The following RAB8B variants were observed in gnomAD, a reference collection of about 807,000 sequenced individuals.
RAB8B encodes the protein ras-related protein Rab-8B.
In RAB8B, 11 loss-of-function variants were observed where a neutral mutation model predicts 32.0. The ratio of observed to expected loss-of-function variants is 0.34; its 90% CI spans 0.22 to 0.57. RAB8B has a LOEUF of 0.57. RAB8B is among the 20% of genes least tolerant of loss of function. The pLI is 0.86. For synonymous variants in RAB8B, 103 were observed against 89.6 expected (o/e 1.15, Z -0.85); for missense variants, 190 against 258.5 (o/e 0.73, Z 1.82).
chr15:63,222,167 G>A (rs2037849893), intron 1 of RAB8B, among the ~76,000 whole-genome samples: 1 of 152,194 alleles, frequency 6.6e-6, no homozygotes, highest in African/African-American at 2.4e-5. Flanking sequence ...AGCAGAGACT[G>A]TTTCTCTCTG....
chr15:63,220,011 C>A (rs1287325949), intron 1 of RAB8B, among the ~76,000 whole-genome samples: 3 of 152,172 alleles, frequency 2.0e-5, no homozygotes, highest in African/African-American at 4.8e-5. Context: ...TGATTGTTGT[C>A]CAAGTGTTAA....
intron 1 of RAB8B, among the ~76,000 whole-genome samples, chr15:63,241,772 GT>G (rs2038034012): frequency 6.6e-6 from 1 of 152,110 alleles, no homozygotes; most frequent in Admixed American, 6.5e-5. Flanking sequence ...CCAAAGAGAG[GT>G]AAAGGATAGA....
chr15:63,214,244 A>G (rs906085389), intron 1 of RAB8B, among the ~76,000 whole-genome samples: 4 of 149,720 alleles, frequency 2.7e-5, no homozygotes, highest in East Asian at 2.0e-4. Flanking sequence ...AAAGAATTCA[A>G]CAGTGTTGAA....
intron 6 of RAB8B, among the ~76,000 whole-genome samples, chr15:63,261,990 G>C (rs930503556): frequency 4.6e-5 from 7 of 152,166 alleles, no homozygotes; most frequent in African/African-American, 1.7e-4. Context: ...ATTTAGCCGA[G>C]AGCTCCAGGA....
At chr15:63,219,326 A>G (rs998715015) in intron 1 of RAB8B, among the ~76,000 whole-genome samples, 1 of 151,832 alleles carries the variant, frequency 6.6e-6, no homozygotes, top group Non-Finnish European at 1.5e-5. Context: ...AAAGAGAGAA[A>G]GAGATCGAGA....
chr15:63,202,318 A>C (rs934595250), intron 1 of RAB8B, among the ~76,000 whole-genome samples: 1 of 152,106 alleles, frequency 6.6e-6, no homozygotes, highest in African/African-American at 2.4e-5. Context: ...AAACTGACCA[A>C]CAAACCCTTG....
intron 1 of RAB8B, among the ~76,000 whole-genome samples, chr15:63,209,377 A>G (rs1237582107): frequency 6.6e-6 from 1 of 151,778 alleles, no homozygotes; most frequent in African/African-American, 2.4e-5. Flanking sequence ...GATCACCTGA[A>G]GTCAGGAGTT....
At chr15:63,262,481 A>G (rs1809655482) in intron 6 of RAB8B, among the ~76,000 whole-genome samples, 1 of 152,030 alleles carries the variant, frequency 6.6e-6, no homozygotes, top group African/African-American at 2.4e-5. Context: ...CTGTTTTAAA[A>G]TAAGTCAGGC....
intron 1 of RAB8B, among the ~76,000 whole-genome samples, chr15:63,201,549 G>C (rs1413438122): frequency 6.6e-6 from 1 of 152,164 alleles, no homozygotes; most frequent in African/African-American, 2.4e-5. Context: ...TTATTCAAGA[G>C]TCTGGACTTT....
intron 3 of RAB8B, among the ~76,000 whole-genome samples, chr15:63,254,627 C>T (rs1468533332): frequency 6.6e-6 from 1 of 151,978 alleles, no homozygotes; most frequent in East Asian, 1.9e-4. Context: ...AAATACCAGA[C>T]ATGGGCTGGG....
rs775037478 is a variant in RAB8B, at chr15:63,259,654, T to C, written c.442T>C (p.Leu148=). 4.3e-6 allele frequency: 7 copies of C among 1,614,020 alleles called. No individual in the cohort carries two copies. In the South Asian group the frequency reaches 4.4e-5, roughly 10 times the overall value. Reference sequence around the variant, plus strand: ...AGCAATTGACTATGGGATTAAATTCTTGGAGACAAGCGCAAAATCCAGTGC... The same window carrying C: ...AGCAATTGACTATGGGATTAAATTCCTGGAGACAAGCGCAAAATCCAGTGC... ...KLAIDYGIKF[L]ETSAKSSANV... Residue 148 remains leucine, a synonymous_variant, in exon 6 of 8, where the codon TTG becomes CTG. Transcript: ENST00000321437. The surrounding 1 kb of genome is among the most constrained non-coding windows in gnomAD (Gnocchi z 4.4).
At chr15:63,221,510 A>C (rs2141122034) in intron 1 of RAB8B, among the ~76,000 whole-genome samples, 1 of 152,302 alleles carries the variant, frequency 6.6e-6, no homozygotes. Context: ...ACTCAGTGAC[A>C]AACTTCCTTT....
chr15:63,207,228 C>T (rs928375935), intron 1 of RAB8B, among the ~76,000 whole-genome samples: 3 of 152,174 alleles, frequency 2.0e-5, no homozygotes, highest in African/African-American at 7.2e-5. Context: ...GTAAACTCCG[C>T]GAGTGCACAT....
At chr15:63,223,134 C>T (rs565066402) in intron 1 of RAB8B, 13 of 441,556 alleles carry the variant, frequency 2.9e-5, no homozygotes, top group African/African-American at 1.4e-4. Context: ...TTTTTTGAGA[C>T]GGAATCTTGC....
chr15:63,262,245 G>A (rs73443293), intron 6 of RAB8B, among the ~76,000 whole-genome samples: 1 of 152,080 alleles, frequency 6.6e-6, no homozygotes, highest in African/African-American at 2.4e-5. Flanking sequence ...CCTGTTCTTG[G>A]TGTACTGAAG....
Position 63,265,198 on chromosome 15 carries a change from G to A in RAB8B, c.*1579G>A, listed in dbSNP as rs2038236411. The A allele has an allele frequency of 6.6e-6, 1 of 152,264 alleles. No individual in the cohort carries two copies. Among genetic ancestry groups the A allele is most frequent in the Non-Finnish European group, 1.5e-5 (1 of 68,026 alleles). The allele number at this position is 152,264 out of a possible 1,614,324, so 9.4% of individuals were successfully genotyped here. On this transcript the variant is annotated 3_prime_UTR_variant, in exon 8 of 8. Transcript: ENST00000321437. The surrounding 1 kb of genome is among the most constrained non-coding windows in gnomAD (Gnocchi z 4.9). ...AGAACAGGAGATGGCAGTGGAAAGG[G>A]ATTGCTTGTTACCACAGAGAATTCT...
intron 2 of RAB8B, among the ~76,000 whole-genome samples, chr15:63,249,215 C>G (rs1468739752): frequency 6.6e-6 from 1 of 152,064 alleles, no homozygotes; most frequent in Non-Finnish European, 1.5e-5. Context: ...AGCTCGATTG[C>G]TTGCTTTATA....
intron 1 of RAB8B, among the ~76,000 whole-genome samples, chr15:63,205,637 T>C (rs1434805734): frequency 1.3e-5 from 2 of 152,244 alleles, no homozygotes; most frequent in African/African-American, 4.8e-5. Flanking sequence ...ACACATTTTA[T>C]TTCTTTGCTC....
chr15:63,252,363 C>T (rs185360220), intron 3 of RAB8B, among the ~76,000 whole-genome samples: 1 of 152,278 alleles, frequency 6.6e-6, no homozygotes, highest in African/African-American at 2.4e-5. Flanking sequence ...GTATTGTCCT[C>T]ATTCTGTAAA....
Sources: allele counts gnomAD v4.1 joint callset (sites outside exome capture counted in the v4.1 genomes callset), GRCh38; gene constraint gnomAD v4.1.1; non-coding constraint Gnocchi (gnomAD v3.1); transcripts MANE v1.5; gene names NCBI Gene and HGNC (gene_info 2026-07-23, HGNC 2026-07-21).